UTP18: variants seen among roughly 807,000 people sequenced by gnomAD.
The protein encoded by UTP18 is UTP18 small subunit processome component, also known as U3 small nucleolar RNA-associated protein 18 homolog.
UTP18 carries 36 observed loss-of-function variants against 61.1 expected under a neutral mutation model. That is an observed-to-expected ratio of 0.59 (90% CI 0.45 to 0.78). The LOEUF (loss-of-function observed/expected upper bound fraction) is 0.78, where lower values mean the gene tolerates loss of function less well. UTP18 is among the 30% of genes least tolerant of loss of function. UTP18 has a pLI of 0.00. For missense variants in UTP18, 753 were observed against 693.9 expected, an observed-to-expected ratio of 1.09 and a Z score of -0.96; for synonymous variants, 282 against 251.1, an observed-to-expected ratio of 1.12 and a Z score of -1.16.
chr17:51,288,277 A>T (rs1475584955), intron 11 of UTP18, 74 bp downstream of exon 11: 1 of 1,366,742 alleles, frequency 7.3e-7, no homozygotes, highest in South Asian at 1.5e-5. Context: ...GTAACAGGAA[A>T]GGAGAGCGTT....
chr17:51,288,153 A>G lies in UTP18; in HGVS notation c.1453A>G (p.Thr485Ala), dbSNP rs1905160903. The G allele has an allele frequency of 2.5e-6, 4 of 1,603,412 alleles. No individual in the cohort carries two copies. Among genetic ancestry groups the G allele is most frequent in the Non-Finnish European group, 3.4e-6 (4 of 1,177,498 alleles). The change falls in exon 11 of 14, where the codon ACA becomes GCA. Residue 485 changes from threonine (T) to alanine (A), a missense_variant. Physicochemically the swap from Thr to Ala is moderately conservative, Grantham distance 58. Coordinates refer to ENST00000225298, the MANE Select transcript of UTP18 (RefSeq NM_016001.3). The stretch of plus-strand genomic sequence containing the variant: ...TACTTCTCTGACCTTCAATCCTACT[A>G]CAGAAATCTTGGCAATTGCTTCAGA... ...GVTSLTFNPT[T>A]EILAIASEKM...
chr17:51,287,967 C>T (rs1905156389), intron 10 of UTP18, 62 bp from the exon 11 acceptor site: 5 of 1,282,692 alleles, frequency 3.9e-6, no homozygotes, highest in Non-Finnish European at 5.2e-6. Flanking sequence ...TCTATATTCA[C>T]TTAGGTTGTG....
At chr17:51,289,319 C>G (rs1905189752) in intron 11 of UTP18, among the ~76,000 whole-genome samples, 1 of 151,488 alleles carries the variant, frequency 6.6e-6, no homozygotes, top group Non-Finnish European at 1.5e-5. Context: ...GCCTCAGTCT[C>G]CTGAGTAGCT....
intron 2 of UTP18, among the ~76,000 whole-genome samples, chr17:51,264,999 T>G (rs1322920270): frequency 1.3e-5 from 2 of 152,250 alleles, no homozygotes; most frequent in Non-Finnish European, 2.9e-5. Context: ...CTTATAAATA[T>G]TCTTTATTAT....
rs1440660038 is a variant in UTP18, at chr17:51,263,303, A to G, written c.372A>G (p.Ser124=). The change falls in exon 2 of 14, where the codon TCA becomes TCG. Residue 124 remains serine (S), a synonymous_variant. Coordinates refer to ENST00000225298, the MANE Select transcript of UTP18 (RefSeq NM_016001.3). ...AAGAACATGAAGACTCGGGTGACTC[A>G]GAAGTGGAGAATGAAGCAAAAGGTA... is the stretch of plus-strand genomic sequence containing the variant. The part of the protein sequence containing the change: ...RVQEHEDSGD[S]EVENEAKGNF... 6.2e-7 allele frequency: 1 copy of G among 1,614,114 alleles called. No individual in the cohort carries two copies. The highest frequency in any genetic ancestry group is 1.3e-5 in the African/African-American group (1 of 74,954).
At chr17:51,264,395 C>T (rs1422373539) in intron 2 of UTP18, among the ~76,000 whole-genome samples, 1 of 152,160 alleles carries the variant, frequency 6.6e-6, no homozygotes, top group Non-Finnish European at 1.5e-5. Flanking sequence ...TTTATCACCT[C>T]TTTATGTATA....
chr17:51,284,056 A>G (rs1001971258), intron 9 of UTP18, among the ~76,000 whole-genome samples: 130 of 152,346 alleles, frequency 8.5e-4, no homozygotes, highest in African/African-American at 3.0e-3. Context: ...TTATTATAAC[A>G]TTAATGTACA....
intron 7 of UTP18, among the ~76,000 whole-genome samples, chr17:51,278,419 T>A (rs545539101): frequency 6.6e-6 from 1 of 152,358 alleles, no homozygotes; most frequent in East Asian, 1.9e-4. Context: ...ATTTCACTAT[T>A]CAAAAGTAAT....
intron 1 of UTP18, among the ~76,000 whole-genome samples, chr17:51,261,430 TA>T (rs1327154639): frequency 1.3e-5 from 2 of 152,208 alleles, no homozygotes; most frequent in African/African-American, 2.4e-5. Flanking sequence ...GTGAACCTGT[TA>T]GTTGCCAGAT....
At chr17:51,277,004 G>T in intron 6 of UTP18, 126 bp from the exon 7 acceptor site, 1 of 960,316 alleles carries the variant, frequency 1.0e-6, no homozygotes. Flanking sequence ...GGCCGTGGCT[G>T]CTTAAGTCAG....
At chr17:51,289,200 G>GT (rs34538423) in intron 11 of UTP18, among the ~76,000 whole-genome samples, 5,339 of 137,608 alleles carry the variant, frequency 0.039, 169 homozygotes, top group African/African-American at 0.084. Flanking sequence ...TGTTTTTTTT[G>GT]TTTTTTTTTT....
chr17:51,280,338 A>G (rs1597849027), intron 8 of UTP18, 51 bp from the exon 9 acceptor site: 1 of 1,582,892 alleles, frequency 6.3e-7, no homozygotes, highest in Admixed American at 1.7e-5. Context: ...ACATTGTGTG[A>G]TTCTTCTGTA....
chr17:51,282,864 CTTCTTTTTTTTTT>C (rs1004652292), intron 9 of UTP18, among the ~76,000 whole-genome samples: 31 of 77,576 alleles, frequency 4.0e-4, no homozygotes, highest in African/African-American at 1.9e-3. Flanking sequence ...TCTTCTTCTT[CTTCTTTTTTTTTT>C]TTTTTTTTTG....
At chr17:51,287,274 G>A (rs573266427) in intron 10 of UTP18, among the ~76,000 whole-genome samples, 1 of 152,214 alleles carries the variant, frequency 6.6e-6, no homozygotes, top group East Asian at 1.9e-4. Flanking sequence ...AACCATTTAA[G>A]CTTTTAGAAT....
chr17:51,269,423 A>G (rs1904435600), intron 4 of UTP18, among the ~76,000 whole-genome samples: 1 of 151,452 alleles, frequency 6.6e-6, no homozygotes, highest in Non-Finnish European at 1.5e-5. Context: ...TATTATAAAT[A>G]TGGATGGCTT....
intron 13 of UTP18, among the ~76,000 whole-genome samples, chr17:51,297,431 A>G (rs1464254062): frequency 1.3e-5 from 2 of 152,192 alleles, no homozygotes; most frequent in South Asian, 2.1e-4. Flanking sequence ...GGGGCTGGCC[A>G]TTAGTTCTGC....
intron 5 of UTP18, 148 bp downstream of exon 5, chr17:51,273,598 G>GTTT (rs36097713): frequency 7.5e-4 from 300 of 398,884 alleles, no homozygotes; most frequent in Middle Eastern, 1.6e-3. Context: ...TTATGTTATT[G>GTTT]TTTTTTTTTT....
chr17:51,261,948 G>A (rs1255010820), intron 1 of UTP18, among the ~76,000 whole-genome samples: 1 of 152,200 alleles, frequency 6.6e-6, no homozygotes, highest in Admixed American at 6.5e-5. Context: ...TCTGGAAAAG[G>A]AACAGTGTAC....
intron 8 of UTP18, 60 bp from the exon 9 acceptor site, chr17:51,280,329 C>T (rs1567703103): frequency 6.4e-7 from 1 of 1,565,806 alleles, no homozygotes; most frequent in Non-Finnish European, 8.7e-7. Flanking sequence ...TTTTACTCTA[C>T]ATTGTGTGAT....
Sources: allele counts gnomAD v4.1 joint callset (sites outside exome capture counted in the v4.1 genomes callset), GRCh38; gene constraint gnomAD v4.1.1; transcripts MANE v1.5; gene names NCBI Gene and HGNC (gene_info 2026-07-23, HGNC 2026-07-21).